Variants in COQ4 observed in about 807,000 individuals in gnomAD.
The protein encoded by COQ4 is ubiquinone biosynthesis protein COQ4 homolog, mitochondrial.
COQ4 carries 36 observed loss-of-function variants against 30.2 expected under a neutral mutation model. The observed-to-expected ratio is 1.19, with a 90% CI of 0.91 to 1.57. The LOEUF is 1.57. Ranked by LOEUF, COQ4 falls within the 40% of genes most tolerant of loss-of-function variation. The pLI is 0.00. For synonymous variants in COQ4, 197 were observed against 161.0 expected (o/e 1.22, Z -1.69); for missense variants, 369 against 371.9 (o/e 0.99, Z 0.07).
At chr9:128,327,792 ACT>A (rs1195111407) in intron 4 of COQ4, among the ~76,000 whole-genome samples, 1 of 152,064 alleles carries the variant, frequency 6.6e-6, no homozygotes, top group Admixed American at 6.6e-5. Flanking sequence ...ACAGAGCAAG[ACT>A]CTGTCTCAAA....
chr9:128,333,243 GGAGT>G (rs1832444293), intron 6 of COQ4, among the ~76,000 whole-genome samples: 1 of 152,134 alleles, frequency 6.6e-6, no homozygotes, highest in African/African-American at 2.4e-5. Flanking sequence ...GTTAGATTCT[GGAGT>G]GAGGGAGCCA....
chr9:128,324,893 T>G (rs1007055314), intron 2 of COQ4, among the ~76,000 whole-genome samples: 2 of 152,174 alleles, frequency 1.3e-5, no homozygotes, highest in South Asian at 2.1e-4. Flanking sequence ...GAAAAGTGAT[T>G]TATAAAATCT....
chr9:128,332,143 T>C lies in COQ4; in HGVS notation c.403-10T>C. 3 of 1,559,192 alleles carry C rather than the reference T, an allele frequency of 1.9e-6. No homozygotes were observed. The highest frequency in any genetic ancestry group is 2.6e-6 in the Non-Finnish European group (3 of 1,151,138). On this transcript the variant is annotated splice_polypyrimidine_tract_variant and intron_variant, in intron 4 of 6. Coordinates refer to ENST00000300452, the MANE Select transcript of COQ4 (RefSeq NM_016035.5). ...CAGGAAGGGTTCTAGGGGAGGCTCA[T>C]GGTTGTCAGAGGGTCTCCCCAGACA...
At position 128,333,636 on chromosome 9, in the gene COQ4, C is replaced by G; in HGVS notation, c.789C>G (p.Gly263=). The change falls in exon 7 of 7, where the codon GGC becomes GGG. Residue 263 remains glycine, a synonymous_variant. Transcript: ENST00000300452. ...GITAPPMHVQ[G]LA The stretch of plus-strand genomic sequence containing the variant: ...CAGCACCACCCATGCACGTCCAGGG[C>G]TTGGCCTGAGCTCCTGAGCCAGCGG... The G allele has an allele frequency of 6.4e-7, 1 of 1,559,568 alleles. No homozygotes were observed. The highest frequency in any genetic ancestry group is 8.6e-7 in the Non-Finnish European group (1 of 1,158,510).
intron 2 of COQ4, among the ~76,000 whole-genome samples, chr9:128,323,984 TTTTG>T (rs941151595): frequency 6.6e-6 from 1 of 152,004 alleles, no homozygotes; most frequent in African/African-American, 2.4e-5. Flanking sequence ...CCCAGTGGTT[TTTTG>T]TTTGTTTTGT....
At chr9:128,331,165 A>G (rs1024946617) in intron 4 of COQ4, 1 of 152,066 alleles carries the variant, frequency 6.6e-6, no homozygotes, top group Admixed American at 6.6e-5. Context: ...AGAGTTTTAC[A>G]TTTTTTTCAT....
intron 2 of COQ4, chr9:128,323,514 C>T (rs1832254278): frequency 9.0e-6 from 4 of 445,240 alleles, no homozygotes; most frequent in East Asian, 7.1e-5. Flanking sequence ...TCCACTGCAT[C>T]TGCAGCCTTC....
intron 3 of COQ4, among the ~76,000 whole-genome samples, chr9:128,325,473 C>CTCTGTGCCTTCATTA (rs1425773715): frequency 5.3e-5 from 8 of 152,208 alleles, no homozygotes; most frequent in African/African-American, 1.7e-4. Flanking sequence ...AACCACAGGG[C>CTCTGTGCCTTCATTA]TCTGTGCCTT....
chr9:128,330,335 G>A (rs369326380), intron 4 of COQ4: 5 of 151,212 alleles, frequency 3.3e-5, no homozygotes, highest in Non-Finnish European at 7.4e-5. Context: ...ATTGCACCAC[G>A]GCACTCCAAC....
At chr9:128,327,652 T>C (rs571010011) in intron 4 of COQ4, among the ~76,000 whole-genome samples, 2 of 152,012 alleles carry the variant, frequency 1.3e-5, no homozygotes, top group Non-Finnish European at 1.5e-5. Flanking sequence ...ATGCAAAAAT[T>C]AGCCAAGTGT....
intron 2 of COQ4, among the ~76,000 whole-genome samples, chr9:128,324,089 T>A (rs1832274119): frequency 6.6e-6 from 1 of 152,116 alleles, no homozygotes; most frequent in Non-Finnish European, 1.5e-5. Flanking sequence ...GTTCAAGCGA[T>A]TCTCGTGCCT....
At chr9:128,328,027 T>G (rs975809706) in intron 4 of COQ4, among the ~76,000 whole-genome samples, 1 of 152,198 alleles carries the variant, frequency 6.6e-6, no homozygotes, top group African/African-American at 2.4e-5. Flanking sequence ...GAGCCAACCC[T>G]GTGGAGAGCT....
At chr9:128,332,048 G>A (rs1588544635) in intron 4 of COQ4, 105 bp from the exon 5 acceptor site, 2 of 1,351,222 alleles carry the variant, frequency 1.5e-6, no homozygotes, top group East Asian at 5.1e-5. Context: ...GAGTTTTCTA[G>A]TAGGTATGAG....
rs7880 is a variant in COQ4 at position 128,323,345 on chromosome 9, G to T, written c.202+198G>T. ...TGAATCTGCAGTGGAGGGAGAAATG[G>T]GCGTGAAACCGAAAGTCTGTCTTTA... is the stretch of plus-strand genomic sequence containing the variant. On this transcript the variant is annotated intron_variant, in intron 2 of 6. Coordinates refer to ENST00000300452, the MANE Select transcript of COQ4 (RefSeq NM_016035.5). The T allele has an allele frequency of 0.092, 54,674 of 594,530 alleles. 6,208 individuals carry two copies. Among genetic ancestry groups the T allele is most frequent in the African/African-American group, 0.44 (22,632 of 51,324 alleles). 36.8% of individuals were successfully genotyped at this position (594,530 alleles called of 1,614,324 possible). A position where few individuals can be genotyped will look rare whatever the true frequency, so the allele number is the denominator to read the frequency against.
intron 3 of COQ4, 110 bp downstream of exon 3, chr9:128,325,349 C>G: frequency 1.3e-6 from 1 of 759,228 alleles, no homozygotes; most frequent in Non-Finnish European, 2.2e-6. Flanking sequence ...GATACCCTGG[C>G]TACATATGGT....
intron 2 of COQ4, chr9:128,323,612 T>C (rs1832256190): frequency 5.6e-6 from 2 of 358,912 alleles, no homozygotes; most frequent in Non-Finnish European, 9.9e-6. Flanking sequence ...GTGTTTTTCT[T>C]ATGCCTCCTA....
At chr9:128,330,900 C>A (rs1039336741) in intron 4 of COQ4, 2 of 150,118 alleles carry the variant, frequency 1.3e-5, no homozygotes, top group Non-Finnish European at 2.9e-5. Context: ...TGCAGTGGCG[C>A]GATCTCGGCT....
Position 128,332,298 on chromosome 9 carries a change from C to T in COQ4, c.532+16C>T, listed in dbSNP as rs1473752267. On this transcript the variant is annotated intron_variant, in intron 5 of 6. Transcript: ENST00000300452. ...AACATCCTGGGTGAGTGCCCCCAAC[C>T]CTGATGGCCTGTCTCCCTGGGGTGG... The T allele has an allele frequency of 3.1e-6, 5 of 1,611,006 alleles. No individual in the cohort carries two copies. The Admixed American group carries it at 5.0e-5, about 16-fold the overall frequency.
At chr9:128,327,742 C>T (rs970489580) in intron 4 of COQ4, among the ~76,000 whole-genome samples, 1 of 152,008 alleles carries the variant, frequency 6.6e-6, no homozygotes, top group Non-Finnish European at 1.5e-5. Flanking sequence ...AGGTCGAGGG[C>T]GGTGAGCCGT....
Sources: gnomAD v4.1 joint callset for allele counts (sites outside exome capture counted in the v4.1 genomes callset) on GRCh38, gnomAD v4.1.1 for gene constraint, MANE v1.5 for transcripts, NCBI Gene and HGNC (gene_info 2026-07-23, HGNC 2026-07-21) for gene names.